SIRPG: variants seen among roughly 807,000 people sequenced by gnomAD.
SIRPG encodes signal regulatory protein gamma, also known as signal-regulatory protein gamma.
Under a neutral mutation model 35.7 loss-of-function variants are expected in SIRPG, and 38 were observed. That is an observed-to-expected ratio of 1.06 (90% CI 0.82 to 1.40). The LOEUF is 1.40. Among genes scored for constraint, SIRPG ranks in the 40% most tolerant of loss-of-function variants. The probability of loss-of-function intolerance (pLI) is 0.00; values close to 1 mark genes in which losing one functional copy is unlikely to be tolerated. For synonymous variants in SIRPG, 215 were observed against 190.4 expected (o/e 1.13, Z -1.06); for missense variants, 519 against 483.0 (o/e 1.07, Z -0.70).
At chr20:1,654,098 G>T (rs1568739457) in intron 1 of SIRPG, among the ~76,000 whole-genome samples, 1 of 152,186 alleles carries the variant, frequency 6.6e-6, no homozygotes, top group South Asian at 2.1e-4. Context: ...AATTAGCCAG[G>T]CATGGTGGTG....
At chr20:1,679,674 ATGT>A in the SIRPG span, among the ~76,000 whole-genome samples, 1 of 152,118 alleles carries the variant, frequency 6.6e-6, no homozygotes. Context: ...TTTCACAGTC[ATGT>A]TAGAGTGTTC....
At chr20:1,666,725 C>T in the SIRPG span, 1 of 152,146 alleles carries the variant, frequency 6.6e-6, no homozygotes, top group African/African-American at 2.4e-5. Context: ...AGGGTAGTTT[C>T]CTAGGACTTC....
At chr20:1,670,889 T>C in the SIRPG span, 4 of 313,022 alleles carry the variant, frequency 1.3e-5, no homozygotes, top group African/African-American at 2.3e-5. Context: ...CCTTGAATGG[T>C]TTCAGACAAG....
chr20:1,649,900 G>T (rs988628558), intron 1 of SIRPG, among the ~76,000 whole-genome samples: 2 of 149,052 alleles, frequency 1.3e-5, no homozygotes, highest in East Asian at 2.0e-4. Context: ...CATAGTGCTG[G>T]GATGACAGGT....
chr20:1,665,664 C>A, the SIRPG span, among the ~76,000 whole-genome samples: 2 of 152,152 alleles, frequency 1.3e-5, no homozygotes, highest in African/African-American at 4.8e-5. Flanking sequence ...TGCAAGGAAG[C>A]CATGGACTTG....
At chr20:1,664,606 C>T in the SIRPG span, among the ~76,000 whole-genome samples, 1 of 152,136 alleles carries the variant, frequency 6.6e-6, no homozygotes, top group Non-Finnish European at 1.5e-5. Flanking sequence ...CACTCTGGGG[C>T]ATCAAGGTGG....
the SIRPG span, among the ~76,000 whole-genome samples, chr20:1,667,386 T>G: frequency 6.6e-6 from 1 of 152,206 alleles, no homozygotes; most frequent in Non-Finnish European, 1.5e-5. Context: ...CAAAACCAAA[T>G]TAGCTTGTTG....
At chr20:1,648,586 C>T (rs2091914295) in intron 2 of SIRPG, 1 of 152,414 alleles carries the variant, frequency 6.6e-6, no homozygotes, top group Admixed American at 6.5e-5. Flanking sequence ...AGGGCGGAGT[C>T]TGGCACACAG....
At chr20:1,674,280 C>T in the SIRPG span, among the ~76,000 whole-genome samples, 1 of 151,974 alleles carries the variant, frequency 6.6e-6, no homozygotes, top group South Asian at 2.1e-4. Context: ...GCCACCAGAC[C>T]CCACCCCAAA....
At chr20:1,672,147 T>G in the SIRPG span, among the ~76,000 whole-genome samples, 15 of 152,348 alleles carry the variant, frequency 9.8e-5, no homozygotes, top group African/African-American at 3.4e-4. Context: ...GCTCCTCTTC[T>G]GTAAAATAGG....
chr20:1,652,439 C>A (rs147082097), intron 1 of SIRPG, among the ~76,000 whole-genome samples: 1 of 152,198 alleles, frequency 6.6e-6, no homozygotes. Flanking sequence ...GTTGATGCAA[C>A]AATCCTCAAC....
At chr20:1,647,404 T>C (rs2091905859) in intron 2 of SIRPG, 2 of 152,318 alleles carry the variant, frequency 1.3e-5, no homozygotes, top group African/African-American at 4.8e-5. Context: ...TCGGTGTCTT[T>C]GCCTATATTA....
the SIRPG span, among the ~76,000 whole-genome samples, chr20:1,668,370 C>A: frequency 1.3e-5 from 2 of 151,808 alleles, no homozygotes; most frequent in African/African-American, 4.8e-5. Context: ...GCAACCTCTG[C>A]TTCTTGGGTT....
intron 2 of SIRPG, among the ~76,000 whole-genome samples, chr20:1,639,654 T>C (rs1442535714): frequency 6.6e-6 from 1 of 152,252 alleles, no homozygotes; most frequent in African/African-American, 2.4e-5. Context: ...CTTTCACTTT[T>C]GTTGCAATTG....
intron 1 of SIRPG, among the ~76,000 whole-genome samples, chr20:1,654,358 G>A (rs2091962365): frequency 6.6e-6 from 1 of 152,084 alleles, no homozygotes; most frequent in African/African-American, 2.4e-5. Context: ...ATAGACCAAT[G>A]GATCAGAGCA....
the SIRPG span, among the ~76,000 whole-genome samples, chr20:1,675,555 G>T: frequency 6.6e-6 from 1 of 152,194 alleles, no homozygotes; most frequent in African/African-American, 2.4e-5. Context: ...GGGTTGCAGA[G>T]ACAGGGGCTG....
At chr20:1,659,703 C>T (rs1346273049), upstream of SIRPG, among the ~76,000 whole-genome samples, 1 of 152,216 alleles carries the variant, frequency 6.6e-6, no homozygotes, top group Admixed American at 6.5e-5. Context: ...ACATAGGCTG[C>T]CACACTCCAC....
At chr20:1,668,212 TTTCTTTCTTTCTTTC>T in the SIRPG span, among the ~76,000 whole-genome samples, 1 of 42,732 alleles carries the variant, frequency 2.3e-5, no homozygotes, top group African/African-American at 5.6e-5. Context: ...TCTTTCTTTC[TTTCTTTCTTTCTTTC>T]TTTCTTTCTT....
intron 1 of SIRPG, among the ~76,000 whole-genome samples, chr20:1,649,841 C>G (rs1331500688): frequency 1.3e-5 from 2 of 150,244 alleles, no homozygotes; most frequent in African/African-American, 4.9e-5. Flanking sequence ...CACCATTCTG[C>G]TCAGGTTGCC....
Sources: allele counts gnomAD v4.1 joint callset (sites outside exome capture counted in the v4.1 genomes callset), GRCh38; gene constraint gnomAD v4.1.1; transcripts MANE v1.5; gene names NCBI Gene and HGNC (gene_info 2026-07-23, HGNC 2026-07-21).